LSAMP: variants seen among roughly 807,000 people sequenced by gnomAD.
The protein encoded by LSAMP is limbic system-associated membrane protein.
A neutral mutation model predicts 38.6 loss-of-function variants in LSAMP; 7 were observed. The observed-to-expected ratio is 0.18, with a 90% CI of 0.10 to 0.34. The LOEUF is 0.34. Among genes scored for constraint, LSAMP ranks in the 10% least tolerant of loss-of-function variants. The pLI is 1.00. For missense variants in LSAMP, 313 were observed against 420.0 expected (o/e 0.75, Z 2.23); for synonymous variants, 154 against 166.8 (o/e 0.92, Z 0.59).
At chr3:116,425,045 T>C (rs904026434) in intron 1 of LSAMP, among the ~76,000 whole-genome samples, 1 of 151,354 alleles carries the variant, frequency 6.6e-6, no homozygotes, top group Admixed American at 6.6e-5. Context: ...CCAAATAAAT[T>C]GTCTACCGTG....
intron 1 of LSAMP, among the ~76,000 whole-genome samples, chr3:116,413,290 A>G (rs1416712586): frequency 3.9e-5 from 6 of 152,032 alleles, no homozygotes; most frequent in African/African-American, 1.4e-4. Context: ...AAAATAAATC[A>G]GGTTATTCAA....
chr3:116,424,960 T>C (rs1040593525), intron 1 of LSAMP, among the ~76,000 whole-genome samples: 9 of 149,316 alleles, frequency 6.0e-5, no homozygotes, highest in African/African-American at 2.2e-4. Context: ...CTCTTAAAAA[T>C]GCCATCTCCA....
At chr3:116,333,630 C>A (rs1482216866) in intron 1 of LSAMP, among the ~76,000 whole-genome samples, 1 of 149,770 alleles carries the variant, frequency 6.7e-6, no homozygotes, top group African/African-American at 2.4e-5. Flanking sequence ...AGAAAATTCA[C>A]AAATTTGTGG....
chr3:116,142,461 G>A (rs1440263952), intron 1 of LSAMP, among the ~76,000 whole-genome samples: 2 of 151,944 alleles, frequency 1.3e-5, no homozygotes, highest in African/African-American at 2.4e-5. Context: ...GTGCAATTCC[G>A]GAGTTAAGAA....
chr3:115,877,663 C>T (rs1330180821), intron 3 of LSAMP, among the ~76,000 whole-genome samples: 1 of 152,138 alleles, frequency 6.6e-6, no homozygotes, highest in Non-Finnish European at 1.5e-5. Context: ...ACACATCTCT[C>T]TCTTTTCCCT....
intron 3 of LSAMP, among the ~76,000 whole-genome samples, chr3:115,964,927 A>T (rs1938748773): frequency 6.6e-6 from 1 of 152,160 alleles, no homozygotes; most frequent in Non-Finnish European, 1.5e-5. Context: ...ATTCATGAGT[A>T]AGAATACCTA....
chr3:116,207,925 T>A (rs556839604), intron 1 of LSAMP, among the ~76,000 whole-genome samples: 13 of 149,318 alleles, frequency 8.7e-5, no homozygotes, highest in Admixed American at 8.0e-4. Context: ...TTCTCTGTAT[T>A]TCCTGAATCT....
Position 116,164,591 on chromosome 3 carries a change from A to G in LSAMP, c.156-78035T>C, listed in dbSNP as rs1576404218. Among the ~76,000 whole-genome samples the G allele has an allele frequency of 9.1e-5, 9 of 99,086 alleles. No individual in the cohort carries two copies. In the South Asian group the frequency reaches 3.5e-3, roughly 39 times the overall value. The allele number at this position is 99,086 out of a possible 152,430, so 65.0% of individuals were successfully genotyped here. A position where few individuals can be genotyped will look rare whatever the true frequency, so the allele number is the denominator to read the frequency against. ...AATCCAAATATATATATATATATAT[A>G]TATAATCCAAATATATATATATATA... is the stretch of plus-strand genomic sequence containing the variant. On this transcript the variant is annotated intron_variant, in intron 1 of 6. Coordinates refer to ENST00000490035, the MANE Select transcript of LSAMP (RefSeq NM_002338.5).
intron 1 of LSAMP, among the ~76,000 whole-genome samples, chr3:116,164,643 A>G (rs1163130658): frequency 5.7e-5 from 7 of 122,832 alleles, no homozygotes; most frequent in African/African-American, 2.1e-4. Context: ...ATATATATAT[A>G]TAATCCAAAT....
At chr3:116,083,542 T>C (rs1198606755) in intron 2 of LSAMP, among the ~76,000 whole-genome samples, 1 of 152,200 alleles carries the variant, frequency 6.6e-6, no homozygotes, top group Non-Finnish European at 1.5e-5. Context: ...TGCTATTCTT[T>C]GGTGATATCT....
At chr3:116,113,239 A>G (rs1708656690) in intron 1 of LSAMP, among the ~76,000 whole-genome samples, 1 of 151,482 alleles carries the variant, frequency 6.6e-6, no homozygotes, top group Admixed American at 6.6e-5. Context: ...GGAGATTTAG[A>G]AAAAAAGAAT....
intron 1 of LSAMP, chr3:116,367,998 G>A (rs2048378802): frequency 6.6e-6 from 1 of 152,154 alleles, no homozygotes; most frequent in Non-Finnish European, 1.5e-5. Context: ...AAGCACAAAC[G>A]AACATTCTCT....
At chr3:115,854,250 ATATTATTATTATTAT>A (rs769267859) in intron 3 of LSAMP, among the ~76,000 whole-genome samples, 2 of 124,294 alleles carry the variant, frequency 1.6e-5, no homozygotes, top group African/African-American at 5.9e-5. Context: ...ATATAGTTAA[ATATTATTATTATTAT>A]TATTATTATT....
intron 1 of LSAMP, among the ~76,000 whole-genome samples, chr3:116,185,222 C>A (rs1394493436): frequency 1.3e-5 from 2 of 151,822 alleles, no homozygotes; most frequent in Non-Finnish European, 2.9e-5. Flanking sequence ...ATATTCTTTT[C>A]ATTTGAGTTC....
chr3:115,977,170 C>T (rs1939213728), intron 3 of LSAMP, among the ~76,000 whole-genome samples: 2 of 152,048 alleles, frequency 1.3e-5, no homozygotes, highest in South Asian at 4.2e-4. Flanking sequence ...TAAGAATGAT[C>T]AAGAAGAATG....
intron 1 of LSAMP, among the ~76,000 whole-genome samples, chr3:116,305,080 G>A (rs2047464469): frequency 6.6e-6 from 1 of 152,104 alleles, no homozygotes; most frequent in Non-Finnish European, 1.5e-5. Context: ...GAAAGATCAA[G>A]AACAGGCAGC....
chr3:116,290,626 A>C (rs867874151), intron 1 of LSAMP, among the ~76,000 whole-genome samples: 11 of 151,764 alleles, frequency 7.2e-5, no homozygotes, highest in Middle Eastern at 3.2e-3. Context: ...GCTACTCAGG[A>C]GGCTGAGGCA....
intron 3 of LSAMP, among the ~76,000 whole-genome samples, chr3:115,927,330 A>G (rs1185750229): frequency 6.6e-6 from 1 of 152,220 alleles, no homozygotes. Flanking sequence ...GAAGCTGGCT[A>G]TGGCAGCTGA....
intron 1 of LSAMP, among the ~76,000 whole-genome samples, chr3:116,347,942 T>C (rs2048085996): frequency 6.6e-6 from 1 of 151,882 alleles, no homozygotes; most frequent in South Asian, 2.1e-4. Flanking sequence ...CAGTATTTTT[T>C]TACAAGCAAA....
Sources: gnomAD v4.1 joint callset for allele counts (sites outside exome capture counted in the v4.1 genomes callset) on GRCh38, gnomAD v4.1.1 for gene constraint, MANE v1.5 for transcripts, NCBI Gene and HGNC (gene_info 2026-07-23, HGNC 2026-07-21) for gene names.